The following FBXO38 variants were observed in gnomAD, a reference collection of about 807,000 sequenced individuals.
FBXO38 encodes the protein F-box protein 38, also known as F-box only protein 38.
A neutral mutation model predicts 131.9 loss-of-function variants in FBXO38; 53 were observed. The observed-to-expected ratio is 0.40, with a 90% CI of 0.32 to 0.51. The LOEUF (loss-of-function observed/expected upper bound fraction) is 0.51, where lower values mean the gene tolerates loss of function less well. FBXO38 is among the 20% of genes least tolerant of loss of function. The pLI is 0.53. For synonymous variants in FBXO38, 452 were observed against 505.6 expected (o/e 0.89, Z 1.42); for missense variants, 1,076 against 1,475.6 (o/e 0.73, Z 4.44).
At chr5:148,387,790 C>A (rs921068181) in intron 1 of FBXO38, among the ~76,000 whole-genome samples, 5 of 147,632 alleles carry the variant, frequency 3.4e-5, no homozygotes, top group Admixed American at 6.9e-5. Flanking sequence ...CACCCTGGTT[C>A]AAGCAATTCT....
In FBXO38 at chr5:148,393,188, G is replaced by GGGGTGTGTGTGT. The variant is rs1420907423; in HGVS notation, c.-63-1525_-63-1524insGGTGTGTGTGTG. ...TACTGGTTAGAAACAACAGAAGAGG[G>GGGGTGTGTGTGT]GTGTGTGTGTGTGTGTGTGTGTGTG... On this transcript the variant is annotated intron_variant, in intron 1 of 21. Coordinates refer to ENST00000340253, the MANE Select transcript of FBXO38 (RefSeq NM_205836.3). Among the ~76,000 whole-genome samples the GGGGTGTGTGTGT allele has an allele frequency of 1.2e-4, 15 of 127,036 alleles. No homozygotes were observed. In the East Asian group the frequency reaches 1.2e-3, roughly 10 times the overall value. 83.3% of individuals were successfully genotyped at this position (127,036 alleles called of 152,430 possible). A position where few individuals can be genotyped will look rare whatever the true frequency, so the allele number is the denominator to read the frequency against.
At chr5:148,407,659 C>T (rs1752515619) in intron 7 of FBXO38, among the ~76,000 whole-genome samples, 1 of 151,760 alleles carries the variant, frequency 6.6e-6, no homozygotes, top group South Asian at 2.1e-4. Context: ...GCGCAGTGGC[C>T]CACGCCTGTA....
rs1227358021 is a variant in FBXO38, at chr5:148,416,075, G to A, written c.1407+5G>A. The A allele has an allele frequency of 7.8e-6, 12 of 1,533,866 alleles. No homozygotes were observed. The highest frequency in any genetic ancestry group is 1.4e-5 in the African/African-American group (1 of 71,062). On this transcript the variant is annotated splice_donor_5th_base_variant and intron_variant, in intron 11 of 21. Coordinates refer to ENST00000340253, the MANE Select transcript of FBXO38 (RefSeq NM_205836.3). ...ATGTTTCGTGAACCACCCAAGGTAA[G>A]ATACATTTGAGGGAGTTTTTGTTTA...
At chr5:148,388,697 C>T (rs1346561453) in intron 1 of FBXO38, among the ~76,000 whole-genome samples, 8 of 152,210 alleles carry the variant, frequency 5.3e-5, no homozygotes, top group Non-Finnish European at 1.0e-4. Context: ...AGACTTAGGG[C>T]CTTGCTCTGG....
chr5:148,399,830 A>G (rs1269573853), intron 3 of FBXO38, among the ~76,000 whole-genome samples: 1 of 152,156 alleles, frequency 6.6e-6, no homozygotes, highest in Non-Finnish European at 1.5e-5. Context: ...TTGTTTTGCA[A>G]TTATGAATCT....
At chr5:148,432,758 AAG>A (rs1754107992) in intron 15 of FBXO38, among the ~76,000 whole-genome samples, 1 of 152,242 alleles carries the variant, frequency 6.6e-6, no homozygotes, top group Non-Finnish European at 1.5e-5. Context: ...AAGATGAATT[AAG>A]AGAGTGTTGT....
At chr5:148,431,668 G>A (rs1053287366) in intron 15 of FBXO38, among the ~76,000 whole-genome samples, 3 of 152,222 alleles carry the variant, frequency 2.0e-5, no homozygotes, top group African/African-American at 7.2e-5. Flanking sequence ...TAAAAGGATT[G>A]TGAATTTTGG....
At chr5:148,400,395 C>T (rs1752077640) in intron 3 of FBXO38, among the ~76,000 whole-genome samples, 1 of 152,112 alleles carries the variant, frequency 6.6e-6, no homozygotes, top group Admixed American at 6.6e-5. Context: ...GACAGGATGG[C>T]AGAACTCCCA....
chr5:148,416,575 C>T, intron 11 of FBXO38: 1 of 178,538 alleles, frequency 5.6e-6, no homozygotes, highest in Non-Finnish European at 1.2e-5. Context: ...ACATATAGAA[C>T]TTTGTACTCT....
chr5:148,414,619 G>A (rs1752949706), intron 10 of FBXO38, among the ~76,000 whole-genome samples: 1 of 152,060 alleles, frequency 6.6e-6, no homozygotes, highest in African/African-American at 2.4e-5. Flanking sequence ...TAGGACTTAG[G>A]ATATTGTAGT....
At chr5:148,418,311 C>T (rs1452520583) in intron 12 of FBXO38, among the ~76,000 whole-genome samples, 1 of 152,150 alleles carries the variant, frequency 6.6e-6, no homozygotes, top group Non-Finnish European at 1.5e-5. Context: ...CTCCTGTATT[C>T]CACTTTTGTC....
chr5:148,420,896 A>G (rs1038982469), intron 12 of FBXO38, among the ~76,000 whole-genome samples: 12 of 151,888 alleles, frequency 7.9e-5, no homozygotes, highest in African/African-American at 1.9e-4. Context: ...GGCTCAAGCA[A>G]TCCAACCAAC....
chr5:148,437,922 A>G (rs1162970772), intron 17 of FBXO38, among the ~76,000 whole-genome samples: 1 of 152,056 alleles, frequency 6.6e-6, no homozygotes, highest in Non-Finnish European at 1.5e-5. Flanking sequence ...TTCTACTTTT[A>G]CGTTTGTGAC....
chr5:148,408,107 A>G (rs1260272609), intron 7 of FBXO38, among the ~76,000 whole-genome samples: 1 of 152,194 alleles, frequency 6.6e-6, no homozygotes, highest in Non-Finnish European at 1.5e-5. Flanking sequence ...CAAGAAGCCA[A>G]TAAACATGAA....
rs754728708 is a variant in FBXO38 at position 148,438,494 on chromosome 5, A to G, written c.3020A>G (p.Gln1007Arg). 1.9e-6 allele frequency: 3 copies of G among 1,610,616 alleles called. No individual in the cohort carries two copies. The highest frequency in any genetic ancestry group is 4.5e-5 in the East Asian group (2 of 44,840). Residue 1007 changes from glutamine (Q) to arginine (R), a missense_variant, in exon 18 of 22, where the codon CAG becomes CGG. Physicochemically the swap from Gln to Arg is conservative, Grantham distance 43 (BLOSUM62 1). Around this residue, in one of 8 missense-constraint regions of FBXO38, gnomAD observed 282 missense variants for 418.8 expected, o/e 0.67. Coordinates refer to ENST00000340253, the MANE Select transcript of FBXO38 (RefSeq NM_205836.3). ...RNRIIYLRPMQQVDTLTLEQK... is the reference protein window; with the variant it reads ...RNRIIYLRPMRQVDTLTLEQK... ...CGCATCATATACCTACGCCCAATGC[A>G]GCAGGTAACGAGCTTTGCTTCTTTC...
intron 7 of FBXO38, among the ~76,000 whole-genome samples, chr5:148,406,674 T>C (rs1752461572): frequency 6.6e-6 from 1 of 152,172 alleles, no homozygotes; most frequent in East Asian, 1.9e-4. Flanking sequence ...CTCTTATGTA[T>C]GGAATCTTTC....
At chr5:148,415,287 C>A (rs1360130757) in intron 10 of FBXO38, 1 of 152,102 alleles carries the variant, frequency 6.6e-6, no homozygotes, top group African/African-American at 2.4e-5. Context: ...TCCCATCACT[C>A]AGAATTCCTG....
rs370471937 is a variant in FBXO38, at chr5:148,427,262, G to T, written c.1968G>T (p.Gln656His). Residue 656 changes from glutamine (Q) to histidine (H), a missense_variant, in exon 15 of 22, where the codon CAG (glutamine) becomes CAT (histidine). Physicochemically the swap from Gln to His is conservative, Grantham distance 24. Transcript: ENST00000340253. The stretch of plus-strand genomic sequence containing the variant: ...TTCGAAAGAGGTACAACTCCCATCA[G>T]ATGGGCCAGTCGAAGCAGTTTCCCC... ...TPLRKRYNSH[Q>H]MGQSKQFPLE... 406 of 1,613,964 alleles carry T rather than the reference G, an allele frequency of 2.5e-4. No homozygotes were observed. Among genetic ancestry groups the T allele is most frequent in the Non-Finnish European group, 3.1e-4 (364 of 1,179,998 alleles).
In FBXO38 at chr5:148,401,969, C is replaced by G. The variant is rs765793688; in HGVS notation, c.263-13C>G. On this transcript the variant is annotated splice_polypyrimidine_tract_variant and intron_variant, in intron 3 of 21. Coordinates refer to ENST00000340253, the MANE Select transcript of FBXO38 (RefSeq NM_205836.3). ...AAGATGAACCTGGCTCTAAATACTT[C>G]TGAACTTCTCAGGCTTTACAGATGC... 1 of 1,586,992 alleles carries G rather than the reference C, an allele frequency of 6.3e-7. No homozygotes were observed. The highest frequency in any genetic ancestry group is 8.6e-7 in the Non-Finnish European group (1 of 1,159,724).
Sources: gnomAD v4.1 joint callset for allele counts (sites outside exome capture counted in the v4.1 genomes callset) on GRCh38, gnomAD v4.1.1 for gene constraint, gnomAD v4.1.1 regional missense constraint, MANE v1.5 for transcripts, NCBI Gene and HGNC (gene_info 2026-07-23, HGNC 2026-07-21) for gene names.